RYR2: variants seen among roughly 807,000 people sequenced by gnomAD.
The protein encoded by RYR2 is cardiac muscle ryanodine receptor-calcium release channel.
RYR2 carries 227 observed loss-of-function variants against 601.1 expected under a neutral mutation model. The observed-to-expected ratio is 0.38, with a 90% CI of 0.34 to 0.42. RYR2 has a LOEUF of 0.42. Ranked by LOEUF, RYR2 falls within the 10% of genes least tolerant of loss-of-function variation. RYR2 has a pLI of 1.00. For missense variants in RYR2, 4,646 were observed against 6,156.5 expected (o/e 0.75, Z 8.21); for synonymous variants, 2,223 against 2,175.1 (o/e 1.02, Z -0.61).
At chr1:237,798,281 TA>T in intron 97 of RYR2, 111 bp downstream of exon 97, 1 of 973,068 alleles carries the variant, frequency 1.0e-6, no homozygotes, top group East Asian at 2.7e-5. Context: ...GAAGAATAGA[TA>T]GATGAGGAAA....
intron 80 of RYR2, among the ~76,000 whole-genome samples, chr1:237,749,431 T>A (rs2149240387): frequency 8.3e-6 from 1 of 120,588 alleles, no homozygotes; most frequent in African/African-American, 2.6e-5. Flanking sequence ...TCTAAATATT[T>A]GCTATTATTA....
At chr1:237,397,166 A>G (rs1249605833) in intron 10 of RYR2, among the ~76,000 whole-genome samples, 3 of 151,794 alleles carry the variant, frequency 2.0e-5, no homozygotes, top group African/African-American at 2.4e-5. Context: ...TGAACGCAGG[A>G]GGTGGAGATT....
intron 1 of RYR2, among the ~76,000 whole-genome samples, chr1:237,137,468 G>A (rs190399002): frequency 2.0e-5 from 3 of 152,306 alleles, no homozygotes; most frequent in African/African-American, 4.8e-5. Context: ...AAGAACAGGC[G>A]TGAACCTGAG....
At chr1:237,508,162 A>G (rs567230223) in intron 23 of RYR2, among the ~76,000 whole-genome samples, 52 of 152,138 alleles carry the variant, frequency 3.4e-4, no homozygotes, top group African/African-American at 1.2e-3. Context: ...CAGTTTCACC[A>G]TGTGGCCAGG....
At chr1:237,122,248 G>A (rs951190097) in intron 1 of RYR2, among the ~76,000 whole-genome samples, 9 of 152,200 alleles carry the variant, frequency 5.9e-5, no homozygotes, top group African/African-American at 1.7e-4. Context: ...CCTCCACATC[G>A]ACCGCTTGCT....
chr1:237,746,371 C>A (rs944315766), intron 80 of RYR2, among the ~76,000 whole-genome samples: 1 of 152,062 alleles, frequency 6.6e-6, no homozygotes, highest in Admixed American at 6.6e-5. Context: ...TATTTAAATT[C>A]TTTCCCTGTA....
intron 1 of RYR2, among the ~76,000 whole-genome samples, chr1:237,204,267 C>T (rs111937824): frequency 0.013 from 1,905 of 152,268 alleles, 56 homozygotes; most frequent in African/African-American, 0.044. Flanking sequence ...CCTTGGCTTC[C>T]CAAAGTGCTG....
chr1:237,629,005 T>C (rs570549856), intron 41 of RYR2, among the ~76,000 whole-genome samples: 8 of 152,314 alleles, frequency 5.3e-5, no homozygotes, highest in Admixed American at 4.6e-4. Context: ...AAAACAAAGA[T>C]ATTTCAGAAT....
At chr1:237,240,514 A>G (rs1229470361) in intron 1 of RYR2, among the ~76,000 whole-genome samples, 2 of 152,074 alleles carry the variant, frequency 1.3e-5, no homozygotes, top group East Asian at 1.9e-4. Flanking sequence ...GTACCATACT[A>G]TAAACCAAAC....
At chr1:237,650,385 G>T (rs1451555558) in intron 50 of RYR2, among the ~76,000 whole-genome samples, 2 of 152,094 alleles carry the variant, frequency 1.3e-5, no homozygotes, top group Non-Finnish European at 2.9e-5. Context: ...TAATTGTGTT[G>T]GGAGTCCTTG....
chr1:237,411,805 C>G (rs1435878082), intron 10 of RYR2, among the ~76,000 whole-genome samples: 1 of 151,936 alleles, frequency 6.6e-6, no homozygotes, highest in Non-Finnish European at 1.5e-5. Context: ...TTTTAGTTGC[C>G]CTGCAGAACA....
chr1:237,796,900 T>A (rs1796910), intron 96 of RYR2, among the ~76,000 whole-genome samples: 3 of 151,992 alleles, frequency 2.0e-5, no homozygotes, highest in East Asian at 3.9e-4. Flanking sequence ...TTCTCCTACC[T>A]CAGTCTCCCA....
intron 1 of RYR2, among the ~76,000 whole-genome samples, chr1:237,208,368 T>C (rs1370120631): frequency 1.3e-5 from 2 of 152,186 alleles, no homozygotes; most frequent in East Asian, 3.9e-4. Flanking sequence ...GTGTGTGTTT[T>C]CCTCTGCTGA....
intron 1 of RYR2, among the ~76,000 whole-genome samples, chr1:237,133,971 G>T (rs1010038703): frequency 6.7e-6 from 1 of 150,372 alleles, no homozygotes; most frequent in Non-Finnish European, 1.5e-5. Context: ...AGTTAGGAAA[G>T]GTATGAAAAC....
chr1:237,422,256 A>T (rs1163852091), intron 11 of RYR2, among the ~76,000 whole-genome samples: 10 of 152,224 alleles, frequency 6.6e-5, no homozygotes, highest in African/African-American at 2.4e-4. Flanking sequence ...TATACAAGTG[A>T]TAATCGTACA....
chr1:237,732,175 A>T, intron 78 of RYR2, 26 bp downstream of exon 78: 12 of 1,367,588 alleles, frequency 8.8e-6, no homozygotes, highest in Non-Finnish European at 1.2e-5. Context: ...TTCCTATGAG[A>T]CATAGGAGGA....
chr1:237,295,899 C>T (rs1327612931), intron 2 of RYR2, among the ~76,000 whole-genome samples: 1 of 152,024 alleles, frequency 6.6e-6, no homozygotes, highest in Non-Finnish European at 1.5e-5. Flanking sequence ...CAGAGTGCAC[C>T]ATCTCATGGA....
intron 80 of RYR2, chr1:237,754,921 T>G (rs1573815615): frequency 5.4e-6 from 2 of 368,054 alleles, no homozygotes; most frequent in Non-Finnish European, 9.7e-6. Flanking sequence ...TGGCTACATA[T>G]AAAGCAAAGC....
At position 237,248,947 on chromosome 1, in the gene RYR2, T is replaced by C. The variant is rs898199730; in HGVS notation, c.49-21550T>C. Among the ~76,000 whole-genome samples the C allele has an allele frequency of 2.0e-5, 3 of 152,206 alleles. No homozygotes were observed. In the East Asian group the frequency reaches 5.8e-4, roughly 29 times the overall value. ...CGGCTAATGTTTTTTGTAGTTTTAG[T>C]AGAGACGGGGTTTCTCCATGTCAGT... is the stretch of plus-strand genomic sequence containing the variant. On this transcript the variant is annotated intron_variant, in intron 1 of 104. Coordinates refer to ENST00000366574, the MANE Select transcript of RYR2 (RefSeq NM_001035.3).
Sources: gnomAD v4.1 joint callset for allele counts (sites outside exome capture counted in the v4.1 genomes callset) on GRCh38, gnomAD v4.1.1 for gene constraint, MANE v1.5 for transcripts, NCBI Gene and HGNC (gene_info 2026-07-23, HGNC 2026-07-21) for gene names.